PTGES3L: variants seen among roughly 807,000 people sequenced by gnomAD.
PTGES3L encodes the protein putative protein PTGES3L.
In PTGES3L, 17 loss-of-function variants were observed where a neutral mutation model predicts 25.0. The observed-to-expected ratio is 0.68, with a 90% CI of 0.47 to 1.02. The LOEUF (loss-of-function observed/expected upper bound fraction) is 1.02. PTGES3L is among the 50% of genes least tolerant of loss of function. PTGES3L has a pLI of 0.00. For missense variants in PTGES3L, 202 were observed against 197.5 expected (o/e 1.02, Z -0.14); for synonymous variants, 59 against 65.7 (o/e 0.90, Z 0.50).
chr17:42,976,724 G>A (rs2049961775), intron 4 of PTGES3L, among the ~76,000 whole-genome samples: 1 of 152,176 alleles, frequency 6.6e-6, no homozygotes, highest in Admixed American at 6.6e-5. Flanking sequence ...AAATCTGAGA[G>A]CCAGATCCAG....
chr17:42,970,676 GCA>G (rs57542042), intron 5 of PTGES3L, among the ~76,000 whole-genome samples: 2,669 of 144,126 alleles, frequency 0.019, 30 homozygotes, highest in African/African-American at 0.037. Context: ...CTTAACACGC[GCA>G]CACACACACA....
At chr17:42,977,692 A>G (rs78618571) in intron 4 of PTGES3L, among the ~76,000 whole-genome samples, 68,653 of 135,922 alleles carry the variant, frequency 0.51, 20,625 homozygotes, top group Non-Finnish European at 0.65. Flanking sequence ...AGAAAGAAAG[A>G]AAAGAAAGAA....
chr17:42,973,304 G>C (rs1406658814), intron 4 of PTGES3L, among the ~76,000 whole-genome samples: 7 of 131,138 alleles, frequency 5.3e-5, no homozygotes, highest in Non-Finnish European at 1.2e-4. Flanking sequence ...GCCTCTGCCC[G>C]GCGGCCCCTA....
intron 5 of PTGES3L, among the ~76,000 whole-genome samples, chr17:42,971,119 GA>G (rs2049828394): frequency 6.6e-6 from 1 of 152,046 alleles, no homozygotes; most frequent in Non-Finnish European, 1.5e-5. Flanking sequence ...CCAACATGGT[GA>G]AACTCCGTCT....
intron 1 of PTGES3L, 48 bp from the exon 2 acceptor site, chr17:42,979,711 C>T (rs755709282): frequency 1.2e-5 from 19 of 1,594,900 alleles, no homozygotes; most frequent in Non-Finnish European, 1.6e-5. Flanking sequence ...AGAGGGAAGA[C>T]TGAGGTCATT....
chr17:42,975,700 A>G (rs2151950723), intron 4 of PTGES3L, among the ~76,000 whole-genome samples: 1 of 152,222 alleles, frequency 6.6e-6, no homozygotes, highest in Non-Finnish European at 1.5e-5. Context: ...TTTCTGAGAC[A>G]GAGTCTCACT....
At chr17:42,974,772 C>A (rs1161168408) in intron 4 of PTGES3L, among the ~76,000 whole-genome samples, 7 of 120,128 alleles carry the variant, frequency 5.8e-5, no homozygotes, top group African/African-American at 1.9e-4. Flanking sequence ...GACTCTGTCT[C>A]AAAAAAAAAA....
At chr17:42,973,166 C>A (rs1367542097) in intron 4 of PTGES3L, among the ~76,000 whole-genome samples, 1 of 148,536 alleles carries the variant, frequency 6.7e-6, no homozygotes, top group African/African-American at 2.5e-5. Context: ...CTCTGCCCAG[C>A]AGCCACCCCA....
At chr17:42,971,488 C>T in intron 5 of PTGES3L, 119 bp downstream of exon 5, 1 of 1,022,812 alleles carries the variant, frequency 9.8e-7, no homozygotes, top group Non-Finnish European at 1.5e-6. Context: ...CAATGAGTAA[C>T]CTGCCTAGAG....
rs376639761 is a variant in PTGES3L, at chr17:42,979,281, G to A, written c.190-13C>T. 10 of 1,614,028 alleles carry A rather than the reference G, an allele frequency of 6.2e-6. No homozygotes were observed. Among genetic ancestry groups the A allele is most frequent in the East Asian group, 2.2e-5 (1 of 44,888 alleles). ...TATCCTGGGAGTCCTGCCAGATAGAGAGCCTCATTCTTAGGGTCTGGGGTT... is the reference window on the plus strand; with the variant it reads ...TATCCTGGGAGTCCTGCCAGATAGAAAGCCTCATTCTTAGGGTCTGGGGTT... On this transcript the variant is annotated splice_polypyrimidine_tract_variant and intron_variant, in intron 3 of 6. Coordinates refer to ENST00000591916, the MANE Select transcript of PTGES3L (RefSeq NM_001261430.2).
intron 6 of PTGES3L, 65 bp downstream of exon 6, chr17:42,970,224 T>C: frequency 1.3e-6 from 2 of 1,594,558 alleles, no homozygotes; most frequent in Non-Finnish European, 1.7e-6. Context: ...GGATAGGAGC[T>C]CTCTAGTGGG....
intron 4 of PTGES3L, among the ~76,000 whole-genome samples, chr17:42,975,072 G>A (rs1202753100): frequency 1.4e-5 from 2 of 144,812 alleles, no homozygotes; most frequent in Non-Finnish European, 3.0e-5. Context: ...GAAGGGCAAC[G>A]CTGCTGTGAA....
At chr17:42,978,077 C>CTAA (rs2049992384) in intron 4 of PTGES3L, among the ~76,000 whole-genome samples, 1 of 47,402 alleles carries the variant, frequency 2.1e-5, no homozygotes, top group African/African-American at 1.0e-4. Flanking sequence ...AACTCCGAAT[C>CTAA]AAAAAAAAAA....
chr17:42,975,551 A>G (rs2049939426), intron 4 of PTGES3L, among the ~76,000 whole-genome samples: 1 of 152,230 alleles, frequency 6.6e-6, no homozygotes. Flanking sequence ...TCAAACGCTC[A>G]AATACCCAAG....
Position 42,971,521 on chromosome 17 carries a change from C to T in PTGES3L, c.378+86G>A, listed in dbSNP as rs192423226. 6.2e-4 allele frequency: 916 copies of T among 1,476,906 alleles called. 3 individuals are homozygous for T. Among genetic ancestry groups the T allele is most frequent in the Middle Eastern group, 2.6e-3 (15 of 5,782 alleles). 91.5% of individuals were successfully genotyped at this position (1,476,906 alleles called of 1,614,324 possible). ...GAGAGCTTGCATATCTCTGCTTGGC[C>T]CCAGTGACAATCCTCCAGAGACATG... On this transcript the variant is annotated intron_variant, in intron 5 of 6. Transcript: ENST00000591916.
At chr17:42,975,223 T>C (rs962273263) in intron 4 of PTGES3L, among the ~76,000 whole-genome samples, 1 of 147,964 alleles carries the variant, frequency 6.8e-6, no homozygotes, top group Non-Finnish European at 1.5e-5. Flanking sequence ...AGCACTATAA[T>C]ACAGTGTGAA....
rs2049766976 is a variant in PTGES3L at position 42,968,128 on chromosome 17, A to G, written c.*1020T>C. The G allele has an allele frequency of 6.6e-6, 1 of 152,232 alleles. No homozygotes were observed. The highest frequency in any genetic ancestry group is 2.4e-5 in the African/African-American group (1 of 41,470). 9.4% of individuals were successfully genotyped at this position (152,232 alleles called of 1,614,324 possible). ...TATAGGCAATGCATTTATTTTGTTTAAGTTACAGTCAACTGTACATATTAG... is the reference window on the plus strand; with the variant it reads ...TATAGGCAATGCATTTATTTTGTTTGAGTTACAGTCAACTGTACATATTAG... On this transcript the variant is annotated 3_prime_UTR_variant, in exon 7 of 7. Coordinates refer to ENST00000591916, the MANE Select transcript of PTGES3L (RefSeq NM_001261430.2).
intron 4 of PTGES3L, among the ~76,000 whole-genome samples, chr17:42,972,887 TC>T (rs2049873037): frequency 7.6e-6 from 1 of 131,204 alleles, no homozygotes; most frequent in Non-Finnish European, 1.7e-5. Flanking sequence ...GAGCGCCTCT[TC>T]CCGGCCGCCA....
At chr17:42,978,236 G>A (rs1269735778) in intron 4 of PTGES3L, among the ~76,000 whole-genome samples, 5 of 151,564 alleles carry the variant, frequency 3.3e-5, no homozygotes, top group African/African-American at 9.7e-5. Context: ...GTGAAACCCC[G>A]TCTCTACTAA....
Sources: allele counts gnomAD v4.1 joint callset (sites outside exome capture counted in the v4.1 genomes callset), GRCh38; gene constraint gnomAD v4.1.1; transcripts MANE v1.5; gene names NCBI Gene and HGNC (gene_info 2026-07-23, HGNC 2026-07-21).